The following SCN11A variants were observed in gnomAD, a reference collection of about 807,000 sequenced individuals.
The protein encoded by SCN11A is sodium voltage-gated channel alpha subunit 11, also known as sodium channel protein type 11 subunit alpha.
Under a neutral mutation model 162.2 loss-of-function variants are expected in SCN11A, and 122 were observed. The observed-to-expected ratio is 0.75, with a 90% confidence interval of 0.65 to 0.87. The LOEUF is 0.87. Among genes scored for constraint, SCN11A ranks in the 40% least tolerant of loss-of-function variants. The pLI is 0.00. For synonymous variants in SCN11A, 758 were observed against 751.5 expected, an observed-to-expected ratio of 1.01 and a Z score of -0.14; for missense variants, 2,015 against 2,181.6, an observed-to-expected ratio of 0.92 and a Z score of 1.52.
chr3:39,032,276 CAGT>C (rs767399386), intron 2 of SCN11A, among the ~76,000 whole-genome samples, 101 bp downstream of exon 2: 1 of 152,140 alleles, frequency 6.6e-6, no homozygotes, highest in Non-Finnish European at 1.5e-5. Context: ...CACTAACAGA[CAGT>C]GGTGGTTATA....
chr3:39,049,333 T>C (rs1235637625), intron 1 of SCN11A, among the ~76,000 whole-genome samples: 1 of 152,272 alleles, frequency 6.6e-6, no homozygotes, highest in Non-Finnish European at 1.5e-5. Flanking sequence ...GCATTACTTC[T>C]TTCATTGCAG....
intron 18 of SCN11A, 23 bp downstream of exon 18, chr3:38,896,822 T>TTTTA: frequency 7.0e-7 from 1 of 1,438,332 alleles, no homozygotes; most frequent in Non-Finnish European, 9.2e-7. Flanking sequence ...TTTTTTTTTT[T>TTTTA]GAAAAAAATC....
intron 7 of SCN11A, among the ~76,000 whole-genome samples, chr3:38,934,533 A>T (rs2066297589): frequency 5.3e-5 from 8 of 152,166 alleles, no homozygotes; most frequent in Admixed American, 2.6e-4. Flanking sequence ...ATGGAGGAAG[A>T]TCTACCAAGC....
At chr3:38,987,315 A>T (rs945394789) in intron 2 of SCN11A, among the ~76,000 whole-genome samples, 3,067 of 147,078 alleles carry the variant, frequency 0.021, 103 homozygotes, top group African/African-American at 0.071. Flanking sequence ...ACACACACAC[A>T]CACACACACA....
chr3:39,029,310 T>C (rs192320891), intron 2 of SCN11A, among the ~76,000 whole-genome samples: 3 of 152,348 alleles, frequency 2.0e-5, no homozygotes, highest in East Asian at 3.9e-4. Flanking sequence ...TATAAATATG[T>C]ATTTTCTTGA....
rs545337639 is a variant in SCN11A at position 39,021,899 on chromosome 3, T to C, written c.-280+10481A>G. On this transcript the variant is annotated intron_variant, in intron 2 of 29. Transcript: ENST00000302328. ...CAGCATAATCTTGAAAACTGAGTTA[T>C]TGGCCATGATGGGATCGGGGGTTCA... Among the ~76,000 whole-genome samples, 355 of 152,272 alleles carry C rather than the reference T, an allele frequency of 2.3e-3. 1 individual carries two copies. The highest frequency in any genetic ancestry group is 7.9e-3 in the African/African-American group (329 of 41,552).
chr3:38,892,979 C>T (rs184157457), intron 19 of SCN11A, among the ~76,000 whole-genome samples: 179 of 151,900 alleles, frequency 1.2e-3, no homozygotes, highest in African/African-American at 4.0e-3. Context: ...ATATAGAAGA[C>T]AAACAGGAAA....
In SCN11A at chr3:38,901,864, T is replaced by A. The variant is rs369095204; in HGVS notation, c.1843-1791A>T. Among the ~76,000 whole-genome samples the A allele has an allele frequency of 2.1e-4, 32 of 152,322 alleles. No individual in the cohort carries two copies. In the East Asian group the frequency reaches 2.1e-3, roughly 10 times the overall value. Reference sequence around the variant, plus strand: ...AGCTAGGGTGCAGCTGCTGCCTGTGTACTTGGAAAACAACAATGTCCCTGT... The same window carrying A: ...AGCTAGGGTGCAGCTGCTGCCTGTGAACTTGGAAAACAACAATGTCCCTGT... On this transcript the variant is annotated intron_variant, in intron 16 of 29. Coordinates refer to ENST00000302328, the MANE Select transcript of SCN11A (RefSeq NM_001349253.2).
At chr3:38,936,249 C>G (rs907067995) in intron 7 of SCN11A, among the ~76,000 whole-genome samples, 2 of 152,108 alleles carry the variant, frequency 1.3e-5, no homozygotes, top group African/African-American at 4.8e-5. Flanking sequence ...TCTGACAAAC[C>G]CACAGCCAAT....
intron 2 of SCN11A, among the ~76,000 whole-genome samples, chr3:38,974,251 A>G (rs996283274): frequency 1.1e-4 from 16 of 152,246 alleles, no homozygotes; most frequent in African/African-American, 3.6e-4. Flanking sequence ...TTAGAAATGT[A>G]ATGCACAAGT....
intron 28 of SCN11A, among the ~76,000 whole-genome samples, chr3:38,858,301 A>G (rs2064905867): frequency 6.6e-6 from 1 of 152,152 alleles, no homozygotes; most frequent in South Asian, 2.1e-4. Flanking sequence ...ACTCATATAA[A>G]CTTAAGGTAA....
At chr3:38,867,568 T>C (rs2065061951) in intron 26 of SCN11A, 110 bp from the exon 27 acceptor site, 1 of 763,126 alleles carries the variant, frequency 1.3e-6, no homozygotes, top group Non-Finnish European at 2.1e-6. Flanking sequence ...CAACATTGAC[T>C]ACATAGCCTC....
intron 2 of SCN11A, among the ~76,000 whole-genome samples, chr3:39,026,691 G>C (rs1322749783): frequency 6.6e-6 from 1 of 152,188 alleles, no homozygotes; most frequent in Non-Finnish European, 1.5e-5. Context: ...TCAGTGGATG[G>C]AAATTACTAA....
chr3:38,897,020 A>ACTGTCGGGC lies in SCN11A; in HGVS notation c.2219_2227dup (p.Gly740_Thr742dup). The ACTGTCGGGC allele has an allele frequency of 6.2e-7, 1 of 1,614,156 alleles. No homozygotes were observed. ...CATGTGCCAGTGCCGTAAACATGAG[A>ACTGTCGGGC]CTGTCGGGCCTGTCGGGTTACAGAG... On this transcript the variant is annotated inframe_insertion, in exon 18 of 30. Transcript: ENST00000302328.
intron 2 of SCN11A, among the ~76,000 whole-genome samples, chr3:39,014,891 T>C (rs746891309): frequency 2.0e-5 from 3 of 152,172 alleles, no homozygotes; most frequent in African/African-American, 4.8e-5. Context: ...GGAAATGATA[T>C]AGTATGAGGG....
chr3:38,916,789 G>A (rs760157050), intron 11 of SCN11A, among the ~76,000 whole-genome samples: 8 of 152,156 alleles, frequency 5.3e-5, no homozygotes, highest in Non-Finnish European at 1.0e-4. Flanking sequence ...TCAGATCTGA[G>A]TTGTAGTCAC....
chr3:38,870,137 C>A (rs561051355), intron 26 of SCN11A, among the ~76,000 whole-genome samples: 5 of 152,274 alleles, frequency 3.3e-5, no homozygotes, highest in Admixed American at 6.5e-5. Flanking sequence ...AAAATAGAAA[C>A]TAGGCTAGAT....
At chr3:38,921,281 G>C (rs1309728151) in intron 9 of SCN11A, 26 bp from the exon 10 acceptor site, 3 of 1,604,696 alleles carry the variant, frequency 1.9e-6, no homozygotes, top group Admixed American at 3.4e-5. Context: ...GGCTTGGGGA[G>C]AAGCCCATCC....
chr3:38,879,304 G>A (rs1575237353), intron 23 of SCN11A, among the ~76,000 whole-genome samples: 2 of 152,154 alleles, frequency 1.3e-5, no homozygotes, highest in East Asian at 1.9e-4. Context: ...TACAGAGAAA[G>A]CACTCAATAA....
Sources: gnomAD v4.1 joint callset for allele counts (sites outside exome capture counted in the v4.1 genomes callset) on GRCh38, gnomAD v4.1.1 for gene constraint, MANE v1.5 for transcripts, NCBI Gene and HGNC (gene_info 2026-07-23, HGNC 2026-07-21) for gene names.